The following TRPC5 variants were observed in gnomAD, a reference collection of about 807,000 sequenced individuals.
The protein encoded by TRPC5 is transient receptor potential cation channel subfamily C member 5, also known as short transient receptor potential channel 5.
In TRPC5, 9 loss-of-function variants were observed where a neutral mutation model predicts 56.5. The observed-to-expected ratio is 0.16, with a 90% CI of 0.10 to 0.28. The LOEUF (loss-of-function observed/expected upper bound fraction) is 0.28. Among genes scored for constraint, TRPC5 ranks in the 10% least tolerant of loss-of-function variants. The pLI is 1.00. For synonymous variants in TRPC5, 282 were observed against 278.5 expected, an observed-to-expected ratio of 1.01 and a Z score of -0.13; for missense variants, 469 against 748.9, an observed-to-expected ratio of 0.63 and a Z score of 4.36.
intron 1 of TRPC5, among the ~76,000 whole-genome samples, chrX:112,019,453 T>G (rs74863118): frequency 0.013 from 1,434 of 110,416 alleles, 21 homozygotes; most frequent in African/African-American, 0.043. Flanking sequence ...TTTTTTTTTT[T>G]GGGATGGAAT....
intron 2 of TRPC5, among the ~76,000 whole-genome samples, chrX:111,932,120 AAG>A (rs1926432049): frequency 1.8e-5 from 2 of 111,797 alleles, no homozygotes; most frequent in African/African-American, 6.5e-5. Flanking sequence ...GATTCTGAAA[AAG>A]AGATGAAGGC....
At chrX:112,038,226 G>A (rs976118091) in intron 1 of TRPC5, among the ~76,000 whole-genome samples, 1 of 111,854 alleles carries the variant, frequency 8.9e-6, no homozygotes, top group Non-Finnish European at 1.9e-5. Context: ...AGAAATTTAC[G>A]TCGTTACATT....
chrX:111,945,418 G>A (rs1171377773), intron 2 of TRPC5, among the ~76,000 whole-genome samples: 3 of 110,135 alleles, frequency 2.7e-5, no homozygotes, highest in Non-Finnish European at 5.7e-5. Flanking sequence ...ATTAGGTAGT[G>A]GGCCAAGAGG....
chrX:112,019,678 G>A (rs753606218), intron 1 of TRPC5, among the ~76,000 whole-genome samples: 316 of 111,791 alleles, frequency 2.8e-3, no homozygotes, highest in African/African-American at 0.01. Flanking sequence ...CCCGTGATCC[G>A]CCCACCTTGG....
intron 1 of TRPC5, among the ~76,000 whole-genome samples, chrX:111,994,562 G>A (rs948007862): frequency 9.0e-6 from 1 of 111,357 alleles, no homozygotes; most frequent in Non-Finnish European, 1.9e-5. Context: ...ATTTGTTTGT[G>A]TCCTCTTTTA....
At chrX:111,993,599 T>A (rs1446305277) in intron 1 of TRPC5, among the ~76,000 whole-genome samples, 1 of 112,450 alleles carries the variant, frequency 8.9e-6, no homozygotes, top group African/African-American at 3.2e-5. Context: ...CCATTCTAAC[T>A]GGTGTGAGAT....
intron 1 of TRPC5, among the ~76,000 whole-genome samples, chrX:112,024,421 A>C (rs1448825518): frequency 1.8e-5 from 2 of 111,942 alleles, no homozygotes; most frequent in Non-Finnish European, 3.8e-5. Flanking sequence ...GAACTAGGAC[A>C]TCAGTCTTTT....
At chrX:111,932,296 G>A (rs1004024046) in intron 2 of TRPC5, among the ~76,000 whole-genome samples, 8 of 111,546 alleles carry the variant, frequency 7.2e-5, no homozygotes, top group Non-Finnish European at 1.5e-4. Context: ...CTTGATTTTG[G>A]TGCATGGGTA....
chrX:111,862,814 A>G (rs757748693), intron 3 of TRPC5, among the ~76,000 whole-genome samples: 4 of 112,277 alleles, frequency 3.6e-5, no homozygotes, highest in Non-Finnish European at 7.5e-5. Context: ...ACGAACATGG[A>G]ATATCTTTCC....
intron 1 of TRPC5, among the ~76,000 whole-genome samples, chrX:112,064,035 G>A (rs1229994454): frequency 9.0e-6 from 1 of 111,704 alleles, no homozygotes; most frequent in Admixed American, 9.5e-5. Flanking sequence ...CCCCAAACAT[G>A]TGCACAATCC....
chrX:111,898,622 TCAGA>T (rs1323749827), intron 3 of TRPC5, among the ~76,000 whole-genome samples: 3 of 109,997 alleles, frequency 2.7e-5, no homozygotes, highest in Middle Eastern at 4.6e-3. Flanking sequence ...AGAAAACAAA[TCAGA>T]CAGATTTCTT....
chrX:111,799,608 T>C (rs1045806737), intron 7 of TRPC5, among the ~76,000 whole-genome samples: 1 of 111,251 alleles, frequency 9.0e-6, no homozygotes, highest in African/African-American at 3.3e-5. Context: ...ATTACACCAT[T>C]GAGGATGCCA....
At chrX:111,932,904 T>C (rs1603104660) in intron 2 of TRPC5, among the ~76,000 whole-genome samples, 1 of 111,792 alleles carries the variant, frequency 8.9e-6, no homozygotes, top group African/African-American at 3.3e-5. Context: ...CACCAACTTT[T>C]CACTCCAGTA....
intron 1 of TRPC5, among the ~76,000 whole-genome samples, chrX:112,030,416 A>T (rs916344128): frequency 2.7e-5 from 3 of 112,275 alleles, no homozygotes; most frequent in African/African-American, 9.7e-5. Flanking sequence ...CCACACACAC[A>T]TTCTTGTTAA....
intron 1 of TRPC5, among the ~76,000 whole-genome samples, chrX:111,993,247 C>CATGGAA (rs1477580344): frequency 9.0e-6 from 1 of 111,411 alleles, no homozygotes; most frequent in Non-Finnish European, 1.9e-5. Context: ...TTCTTTACGG[C>CATGGAA]TGCATAGTAT....
At chrX:112,062,767 C>G (rs1055590226) in intron 1 of TRPC5, among the ~76,000 whole-genome samples, 7 of 111,706 alleles carry the variant, frequency 6.3e-5, no homozygotes, top group African/African-American at 2.3e-4. Flanking sequence ...AGGGTTTGAA[C>G]TTTATCCTAT....
chrX:111,798,015 G>A (rs999359635), intron 7 of TRPC5, among the ~76,000 whole-genome samples: 8 of 111,259 alleles, frequency 7.2e-5, no homozygotes, highest in Non-Finnish European at 1.1e-4. Context: ...ACTCATAGAT[G>A]AACCGCAGAG....
chrX:111,789,722 A>T (rs1243664759), intron 7 of TRPC5, among the ~76,000 whole-genome samples: 1 of 112,442 alleles, frequency 8.9e-6, no homozygotes, highest in Non-Finnish European at 1.9e-5. Context: ...TTTACAAGAA[A>T]AAAGCAACCC....
At chrX:111,993,488 C>A (rs1928424192) in intron 1 of TRPC5, among the ~76,000 whole-genome samples, 1 of 112,213 alleles carries the variant, frequency 8.9e-6, no homozygotes, top group Non-Finnish European at 1.9e-5. Flanking sequence ...CTGTCTTCCA[C>A]AATGGTTGAA....
Sources: gnomAD v4.1 joint callset for allele counts (sites outside exome capture counted in the v4.1 genomes callset) on GRCh38, gnomAD v4.1.1 for gene constraint, MANE v1.5 for transcripts, NCBI Gene and HGNC (gene_info 2026-07-23, HGNC 2026-07-21) for gene names.